The following GRIN3A variants were observed in gnomAD, a reference collection of about 807,000 sequenced individuals.
GRIN3A encodes glutamate ionotropic receptor NMDA type subunit 3A.
GRIN3A carries 47 observed loss-of-function variants against 92.4 expected under a neutral mutation model. That is an observed-to-expected ratio of 0.51 (90% CI 0.40 to 0.65). The LOEUF is 0.65. Ranked by LOEUF, GRIN3A falls within the 30% of genes least tolerant of loss-of-function variation. The probability of loss-of-function intolerance (pLI) is 0.00; values close to 1 mark genes in which losing one functional copy is unlikely to be tolerated. For missense variants in GRIN3A, 1,324 were observed against 1,393.1 expected (o/e 0.95, Z 0.79); for synonymous variants, 527 against 540.6 (o/e 0.97, Z 0.35).
intron 1 of GRIN3A, among the ~76,000 whole-genome samples, chr9:101,708,031 G>A (rs940821186): frequency 6.6e-6 from 1 of 152,110 alleles, no homozygotes; most frequent in Non-Finnish European, 1.5e-5. Context: ...TCTGTGGGGG[G>A]TAAGGGCCAG....
At chr9:101,635,059 A>G (rs1828767371) in intron 3 of GRIN3A, among the ~76,000 whole-genome samples, 1 of 152,154 alleles carries the variant, frequency 6.6e-6, no homozygotes, top group Admixed American at 6.5e-5. Flanking sequence ...ATTTTCTTCC[A>G]CAGAAGCTGC....
chr9:101,594,097 T>C (rs980055724), intron 6 of GRIN3A: 4 of 276,836 alleles, frequency 1.4e-5, no homozygotes, highest in African/African-American at 8.8e-5. Flanking sequence ...TACTTTCTTA[T>C]TTTTGAACTT....
At chr9:101,656,195 T>C (rs1213034463) in intron 3 of GRIN3A, among the ~76,000 whole-genome samples, 2 of 152,002 alleles carry the variant, frequency 1.3e-5, no homozygotes, top group Admixed American at 6.6e-5. Context: ...TGATTTGTGC[T>C]GGTTTTGCAC....
Position 101,738,238 on chromosome 9 carries a change from G to C in GRIN3A, c.-259C>G, listed in dbSNP as rs1588304935. 3 of 523,552 alleles carry C rather than the reference G, an allele frequency of 5.7e-6. No homozygotes were observed. Among genetic ancestry groups the C allele is most frequent in the African/African-American group, 2.0e-5 (1 of 49,414 alleles). The allele number at this position is 523,552 out of a possible 1,614,324, so 32.4% of individuals were successfully genotyped here. ...CACTGCGCTGAGCAGGCAGGCGGGC[G>C]GGCCGGCGCCTGTCACCCGCAGCTG... is the stretch of plus-strand genomic sequence containing the variant. On this transcript the variant is annotated 5_prime_UTR_variant, in exon 1 of 9. Coordinates refer to ENST00000361820, the MANE Select transcript of GRIN3A (RefSeq NM_133445.3).
chr9:101,737,572 G>T lies in GRIN3A; in HGVS notation c.408C>A (p.Asn136Lys). 1 of 1,614,176 alleles carries T rather than the reference G, an allele frequency of 6.2e-7. No individual in the cohort carries two copies. The highest frequency in any genetic ancestry group is 1.3e-5 in the African/African-American group (1 of 75,070). The change falls in exon 1 of 9, where the codon AAC becomes AAA. Residue 136 changes from asparagine (N) to lysine (K), a missense_variant. Physicochemically the swap from Asn to Lys is moderately conservative, Grantham distance 94. Transcript: ENST00000361820. ...DALLFAVDNL[N>K]RVEGLLPYNL... ...TGTAGGGTAGCAGCCCTTCCACGCG[G>T]TTCAGGTTGTCCACGGCAAATAGGA...
intron 1 of GRIN3A, among the ~76,000 whole-genome samples, chr9:101,732,288 A>G (rs1177721366): frequency 1.3e-5 from 2 of 152,160 alleles, no homozygotes; most frequent in Admixed American, 6.5e-5. Context: ...TAGTTGGCGG[A>G]ATAGGAGTGA....
intron 1 of GRIN3A, among the ~76,000 whole-genome samples, chr9:101,696,442 T>A (rs1321523901): frequency 6.6e-6 from 1 of 152,200 alleles, no homozygotes; most frequent in Non-Finnish European, 1.5e-5. Flanking sequence ...CTGTATATCA[T>A]AAAGAGTAAG....
intron 1 of GRIN3A, among the ~76,000 whole-genome samples, chr9:101,698,960 G>A (rs545921202): frequency 1.2e-4 from 18 of 152,188 alleles, no homozygotes; most frequent in East Asian, 5.8e-4. Context: ...GAGCCACTGC[G>A]CCTGGCCTAC....
At chr9:101,616,846 C>G (rs891024033) in intron 5 of GRIN3A, among the ~76,000 whole-genome samples, 25 of 138,222 alleles carry the variant, frequency 1.8e-4, no homozygotes, top group African/African-American at 7.0e-4. Flanking sequence ...ACATATGAAA[C>G]TAACCTGCAC....
At chr9:101,722,918 G>A (rs1830031816) in intron 1 of GRIN3A, among the ~76,000 whole-genome samples, 1 of 152,176 alleles carries the variant, frequency 6.6e-6, no homozygotes, top group Non-Finnish European at 1.5e-5. Flanking sequence ...GACTTTGGGG[G>A]ACTGTAGGGA....
chr9:101,618,910 G>C (rs552444786), intron 5 of GRIN3A, among the ~76,000 whole-genome samples: 123 of 152,230 alleles, frequency 8.1e-4, no homozygotes, highest in African/African-American at 2.9e-3. Context: ...ATAAAGACAG[G>C]GTTGACTATT....
chr9:101,598,251 T>C (rs1462008484), intron 6 of GRIN3A, among the ~76,000 whole-genome samples: 2 of 152,240 alleles, frequency 1.3e-5, no homozygotes, highest in South Asian at 2.1e-4. Flanking sequence ...ATTTTATATT[T>C]ACAGCACATG....
rs1828948812 is a variant in GRIN3A, at chr9:101,647,199, A to G, written c.2353-18798T>C. On this transcript the variant is annotated intron_variant, in intron 3 of 8. Coordinates refer to ENST00000361820, the MANE Select transcript of GRIN3A (RefSeq NM_133445.3). The stretch of plus-strand genomic sequence containing the variant: ...TACCCAGTTTGTTGAGAGTTTTATC[A>G]TAAAGGGCTGCTGAATTTTATGAAT... Among the ~76,000 whole-genome samples, 3 of 151,910 alleles carry G rather than the reference A, an allele frequency of 2.0e-5. No individual in the cohort carries two copies. In the South Asian group the frequency reaches 6.2e-4, roughly 31 times the overall value.
chr9:101,728,199 C>T (rs1830101041), intron 1 of GRIN3A, among the ~76,000 whole-genome samples: 1 of 152,120 alleles, frequency 6.6e-6, no homozygotes, highest in Admixed American at 6.6e-5. Context: ...AAAAACTTTT[C>T]TTTTTAATCT....
chr9:101,635,423 TA>T (rs1189275571), intron 3 of GRIN3A, among the ~76,000 whole-genome samples: 3 of 152,190 alleles, frequency 2.0e-5, no homozygotes, highest in Non-Finnish European at 1.5e-5. Context: ...CCACAAAACC[TA>T]AAATCTTTAC....
intron 2 of GRIN3A, among the ~76,000 whole-genome samples, chr9:101,678,532 A>AT (rs1387301857): frequency 6.6e-6 from 1 of 152,176 alleles, no homozygotes; most frequent in East Asian, 1.9e-4. Context: ...GTCAACAGCA[A>AT]TTTAGTAATA....
chr9:101,619,538 T>C (rs186220220), intron 5 of GRIN3A, among the ~76,000 whole-genome samples: 23 of 152,306 alleles, frequency 1.5e-4, no homozygotes, highest in Admixed American at 1.1e-3. Context: ...TCACAACAAT[T>C]CTATCATAAA....
intron 3 of GRIN3A, among the ~76,000 whole-genome samples, chr9:101,665,246 C>T (rs189236367): frequency 2.0e-5 from 3 of 151,930 alleles, no homozygotes; most frequent in Admixed American, 2.0e-4. Context: ...AACATCAATT[C>T]CTTGGAGCAC....
chr9:101,645,017 A>T (rs1216995928), intron 3 of GRIN3A, among the ~76,000 whole-genome samples: 1 of 151,806 alleles, frequency 6.6e-6, no homozygotes, highest in African/African-American at 2.4e-5. Flanking sequence ...AACATTCCTA[A>T]TTTTTTCTTC....
Sources: gnomAD v4.1 joint callset for allele counts (sites outside exome capture counted in the v4.1 genomes callset) on GRCh38, gnomAD v4.1.1 for gene constraint, MANE v1.5 for transcripts, NCBI Gene and HGNC (gene_info 2026-07-23, HGNC 2026-07-21) for gene names.